Variants in MDGA2 observed in about 807,000 individuals in gnomAD.
MDGA2 encodes MAM domain containing glycosylphosphatidylinositol anchor 2, also known as MAM domain-containing glycosylphosphatidylinositol anchor protein 2.
In MDGA2, 40 loss-of-function variants were observed where a neutral mutation model predicts 117.8. The observed-to-expected ratio is 0.34, with a 90% CI of 0.26 to 0.44. The LOEUF (loss-of-function observed/expected upper bound fraction) is 0.44, where lower values mean the gene tolerates loss of function less well. MDGA2 is among the 20% of genes least tolerant of loss of function. MDGA2 has a pLI of 1.00. For missense variants in MDGA2, 1,123 were observed against 1,250.6 expected, an observed-to-expected ratio of 0.90 and a Z score of 1.54; for synonymous variants, 452 against 439.0, an observed-to-expected ratio of 1.03 and a Z score of -0.37.
intron 9 of MDGA2, among the ~76,000 whole-genome samples, chr14:46,942,849 A>G (rs560526527): frequency 1.3e-5 from 2 of 152,238 alleles, no homozygotes; most frequent in South Asian, 2.1e-4. Context: ...TGAAGCTGAT[A>G]TTAAAGTTTG....
Position 47,614,856 on chromosome 14 carries a change from T to C in MDGA2, c.280+59661A>G, listed in dbSNP as rs183782993. Among the ~76,000 whole-genome samples the C allele has an allele frequency of 3.3e-5, 5 of 152,346 alleles. No homozygotes were observed. The East Asian group carries it at 7.7e-4, about 23-fold the overall frequency. ...TTTCTCTTCTATAATATGGTGCCAA[T>C]AATAGTACCCACTTCAGGTGGGGTT... On this transcript the variant is annotated intron_variant, in intron 1 of 16. Transcript: ENST00000399232.
intron 14 of MDGA2, among the ~76,000 whole-genome samples, chr14:46,872,347 G>A (rs1417607063): frequency 6.6e-6 from 1 of 151,740 alleles, no homozygotes; most frequent in African/African-American, 2.4e-5. Context: ...CTTATTACCA[G>A]TGCTTTAACC....
intron 1 of MDGA2, among the ~76,000 whole-genome samples, chr14:47,504,955 C>T (rs1894480574): frequency 6.6e-6 from 1 of 151,936 alleles, no homozygotes; most frequent in Non-Finnish European, 1.5e-5. Context: ...AGCTGTCCAC[C>T]AACAAATTAA....
intron 1 of MDGA2, among the ~76,000 whole-genome samples, chr14:47,516,563 T>C (rs950496045): frequency 6.6e-6 from 1 of 152,174 alleles, no homozygotes; most frequent in Non-Finnish European, 1.5e-5. Context: ...TAAGAAGATA[T>C]TTGTTGGGTT....
chr14:47,616,210 A>T (rs1896946335), intron 1 of MDGA2, among the ~76,000 whole-genome samples: 1 of 152,202 alleles, frequency 6.6e-6, no homozygotes, highest in African/African-American at 2.4e-5. Flanking sequence ...AACCAAAGTA[A>T]GTGTCTGCAC....
At chr14:47,536,683 T>C (rs2073251) in intron 1 of MDGA2, among the ~76,000 whole-genome samples, 47,795 of 152,098 alleles carry the variant, frequency 0.31, 8,430 homozygotes, top group East Asian at 0.59. Context: ...ACTAACTTTT[T>C]TTTTCCTTTG....
intron 2 of MDGA2, among the ~76,000 whole-genome samples, chr14:47,278,274 AT>A (rs1450702786): frequency 6.6e-6 from 1 of 152,156 alleles, no homozygotes; most frequent in Non-Finnish European, 1.5e-5. Flanking sequence ...AATATTTTAA[AT>A]TTTTTTCAAT....
At chr14:46,890,889 T>C (rs1220269479) in intron 10 of MDGA2, among the ~76,000 whole-genome samples, 2 of 152,126 alleles carry the variant, frequency 1.3e-5, no homozygotes, top group Non-Finnish European at 2.9e-5. Context: ...TAAAACTTCC[T>C]ACATAAATTA....
At chr14:47,648,936 TA>T (rs1319718558) in intron 1 of MDGA2, among the ~76,000 whole-genome samples, 1 of 152,170 alleles carries the variant, frequency 6.6e-6, no homozygotes, top group African/African-American at 2.4e-5. Context: ...AAAATTATAT[TA>T]ACATCAATTG....
intron 15 of MDGA2, among the ~76,000 whole-genome samples, chr14:46,846,720 A>G (rs184551632): frequency 3.3e-5 from 5 of 152,254 alleles, no homozygotes; most frequent in Non-Finnish European, 7.4e-5. Context: ...GCTTTCAGCA[A>G]AACTTTAATC....
chr14:47,443,089 A>G (rs1406088074), intron 1 of MDGA2, among the ~76,000 whole-genome samples: 1 of 152,160 alleles, frequency 6.6e-6, no homozygotes, highest in Non-Finnish European at 1.5e-5. Flanking sequence ...CTTTCTTTAA[A>G]TGAAACAGTG....
chr14:47,585,639 C>G (rs530788422), intron 1 of MDGA2, among the ~76,000 whole-genome samples: 40 of 151,820 alleles, frequency 2.6e-4, no homozygotes, highest in South Asian at 1.2e-3. Flanking sequence ...TTCACCGGCT[C>G]CCATAACTAG....
chr14:47,370,876 T>C (rs1037622087), intron 1 of MDGA2, among the ~76,000 whole-genome samples: 2 of 151,796 alleles, frequency 1.3e-5, no homozygotes, highest in East Asian at 1.9e-4. Context: ...TTCTTAAATT[T>C]TGTCTTATAT....
intron 1 of MDGA2, among the ~76,000 whole-genome samples, chr14:47,650,206 C>A (rs1897613225): frequency 6.6e-6 from 1 of 152,092 alleles, no homozygotes; most frequent in African/African-American, 2.4e-5. Flanking sequence ...GCTTAAACAT[C>A]TCTTTTTGGG....
At chr14:47,336,419 G>T (rs1478789802) in intron 1 of MDGA2, among the ~76,000 whole-genome samples, 1 of 151,910 alleles carries the variant, frequency 6.6e-6, no homozygotes, top group African/African-American at 2.4e-5. Flanking sequence ...GGAGAAAATA[G>T]AACTGAGAAG....
chr14:47,507,123 T>C (rs994281650), intron 1 of MDGA2, among the ~76,000 whole-genome samples: 1 of 151,942 alleles, frequency 6.6e-6, no homozygotes, highest in African/African-American at 2.4e-5. Flanking sequence ...TACATGATAA[T>C]ATCAAATCTA....
Position 47,035,123 on chromosome 14 carries a change from C to T in MDGA2, c.1707G>A (p.Leu569=). 6.2e-7 allele frequency: 1 copy of T among 1,614,128 alleles called. No homozygotes were observed. The highest frequency in any genetic ancestry group is 8.5e-7 in the Non-Finnish European group (1 of 1,180,004). ...SMQMESYDGT[L]RIVNVSREMS... Reference sequence around the variant, plus strand: ...TTTCCCTAGATACATTCACAATCCTCAGTGTTCCATCATAACTCTCCATTT... The same window carrying T: ...TTTCCCTAGATACATTCACAATCCTTAGTGTTCCATCATAACTCTCCATTT... The change falls in exon 8 of 17, where the codon CTG becomes CTA. Residue 569 remains leucine (L), a synonymous_variant. Coordinates refer to ENST00000399232, the MANE Select transcript of MDGA2 (RefSeq NM_001113498.3).
At chr14:46,849,690 G>T (rs1594992835) in intron 15 of MDGA2, among the ~76,000 whole-genome samples, 1 of 151,914 alleles carries the variant, frequency 6.6e-6, no homozygotes. Context: ...TAGAAGATGT[G>T]ATCTTTACAC....
At chr14:47,361,756 C>T (rs1000534267) in intron 1 of MDGA2, among the ~76,000 whole-genome samples, 4 of 151,946 alleles carry the variant, frequency 2.6e-5, no homozygotes, top group Admixed American at 2.6e-4. Context: ...GAACTGAGGA[C>T]TCAGTTGTTT....
Sources: gnomAD v4.1 joint callset for allele counts (sites outside exome capture counted in the v4.1 genomes callset) on GRCh38, gnomAD v4.1.1 for gene constraint, MANE v1.5 for transcripts, NCBI Gene and HGNC (gene_info 2026-07-23, HGNC 2026-07-21) for gene names.